The following CMSS1 variants were observed in gnomAD, a reference collection of about 807,000 sequenced individuals.
CMSS1 encodes the protein protein CMSS1.
A neutral mutation model predicts 43.5 loss-of-function variants in CMSS1; 33 were observed. The observed-to-expected ratio is 0.76, with a 90% CI of 0.57 to 1.01. The LOEUF (loss-of-function observed/expected upper bound fraction) is 1.01. Ranked by LOEUF, CMSS1 falls within the 50% of genes least tolerant of loss-of-function variation. The probability of loss-of-function intolerance (pLI) is 0.00; values close to 1 mark genes in which losing one functional copy is unlikely to be tolerated. For missense variants in CMSS1, 313 were observed against 326.4 expected (o/e 0.96, Z 0.32); for synonymous variants, 115 against 117.2 (o/e 0.98, Z 0.12).
intron 1 of CMSS1, among the ~76,000 whole-genome samples, chr3:100,111,716 C>G (rs1318419576): frequency 6.6e-6 from 1 of 152,130 alleles, no homozygotes; most frequent in East Asian, 1.9e-4. Context: ...TCTTAGACTT[C>G]CTGTCTGACC....
chr3:100,151,048 T>A (rs901959211), intron 2 of CMSS1, among the ~76,000 whole-genome samples: 2 of 152,200 alleles, frequency 1.3e-5, no homozygotes, highest in Non-Finnish European at 2.9e-5. Flanking sequence ...TCCCTTTCCC[T>A]TCTTGCTCTC....
chr3:99,897,605 T>A (rs1203767833), intron 1 of CMSS1, among the ~76,000 whole-genome samples: 9 of 152,096 alleles, frequency 5.9e-5, no homozygotes, highest in Admixed American at 5.9e-4. Context: ...TATGATGGAG[T>A]GCTGGGGTAT....
At chr3:99,995,330 C>G (rs948204207) in intron 1 of CMSS1, among the ~76,000 whole-genome samples, 4 of 152,202 alleles carry the variant, frequency 2.6e-5, no homozygotes, top group Non-Finnish European at 2.9e-5. Context: ...GTCTCACATC[C>G]AGGTCACACT....
At chr3:100,132,593 G>A (rs1205174365) in intron 1 of CMSS1, among the ~76,000 whole-genome samples, 1 of 152,054 alleles carries the variant, frequency 6.6e-6, no homozygotes, top group South Asian at 2.1e-4. Flanking sequence ...GCTGAGGCCG[G>A]CAGATCACAA....
At chr3:99,896,246 T>C (rs1364743980) in intron 1 of CMSS1, among the ~76,000 whole-genome samples, 3 of 152,190 alleles carry the variant, frequency 2.0e-5, no homozygotes, top group Non-Finnish European at 2.9e-5. Flanking sequence ...TGGCAACATA[T>C]GTTTGAAACA....
At chr3:100,109,214 T>C (rs2066445352) in intron 1 of CMSS1, among the ~76,000 whole-genome samples, 1 of 152,044 alleles carries the variant, frequency 6.6e-6, no homozygotes, top group Non-Finnish European at 1.5e-5. Context: ...TGTGTTTTAA[T>C]ATCCTAAAAA....
intron 1 of CMSS1, among the ~76,000 whole-genome samples, chr3:100,100,390 A>T (rs921767300): frequency 2.0e-5 from 3 of 152,336 alleles, no homozygotes; most frequent in South Asian, 2.1e-4. Context: ...TATACATTAT[A>T]ATATTATCAG....
At chr3:100,051,409 G>T (rs1263349117) in intron 1 of CMSS1, 1 of 151,442 alleles carries the variant, frequency 6.6e-6, no homozygotes, top group East Asian at 1.9e-4. Flanking sequence ...ACAATGTGCA[G>T]GTTAGTTACA....
intron 1 of CMSS1, among the ~76,000 whole-genome samples, chr3:100,034,969 G>A (rs1559733893): frequency 6.6e-6 from 1 of 152,234 alleles, no homozygotes; most frequent in Middle Eastern, 3.4e-3. Context: ...AACAACTTGG[G>A]ATGTCAAGAA....
chr3:100,157,041 A>T (rs1468483754), intron 2 of CMSS1, among the ~76,000 whole-genome samples: 1 of 152,076 alleles, frequency 6.6e-6, no homozygotes, highest in African/African-American at 2.4e-5. Flanking sequence ...CAGACATGAG[A>T]CACCATGCCA....
intron 1 of CMSS1, among the ~76,000 whole-genome samples, chr3:99,835,795 A>G (rs919828040): frequency 1.3e-5 from 2 of 152,256 alleles, no homozygotes; most frequent in Non-Finnish European, 2.9e-5. Flanking sequence ...AATTACAGAC[A>G]GCAGTTTTGG....
intron 1 of CMSS1, among the ~76,000 whole-genome samples, chr3:99,913,911 C>T (rs1407392848): frequency 6.6e-6 from 1 of 152,118 alleles, no homozygotes; most frequent in Non-Finnish European, 1.5e-5. Flanking sequence ...TCGGATATTT[C>T]AGAGTGTTAC....
chr3:100,021,849 G>A (rs2064822978), intron 1 of CMSS1, among the ~76,000 whole-genome samples: 1 of 151,462 alleles, frequency 6.6e-6, no homozygotes, highest in South Asian at 2.1e-4. Flanking sequence ...GTGATTTGCT[G>A]GTTAAAGGAA....
chr3:99,909,467 A>G (rs941582546), intron 1 of CMSS1, among the ~76,000 whole-genome samples: 3 of 152,148 alleles, frequency 2.0e-5, no homozygotes, highest in Admixed American at 1.3e-4. Context: ...CCCCTTGTAC[A>G]ATAGTTACTT....
chr3:100,039,572 A>G (rs1347481219), intron 1 of CMSS1, among the ~76,000 whole-genome samples: 1 of 152,156 alleles, frequency 6.6e-6, no homozygotes, highest in Non-Finnish European at 1.5e-5. Context: ...CCAGATACCA[A>G]ATAAGATCTA....
intron 1 of CMSS1, among the ~76,000 whole-genome samples, chr3:100,024,576 T>C (rs2064884072): frequency 6.6e-6 from 1 of 152,150 alleles, no homozygotes; most frequent in Non-Finnish European, 1.5e-5. Context: ...TTACATCATA[T>C]TAAATTATGT....
chr3:99,955,999 T>A (rs1391986381), intron 1 of CMSS1, among the ~76,000 whole-genome samples: 2 of 152,234 alleles, frequency 1.3e-5, no homozygotes, highest in Non-Finnish European at 2.9e-5. Context: ...AGTCCTTGGC[T>A]AGGTTGTAAG....
chr3:99,882,306 T>C (rs891597417), intron 1 of CMSS1, among the ~76,000 whole-genome samples: 2 of 152,220 alleles, frequency 1.3e-5, no homozygotes, highest in Non-Finnish European at 2.9e-5. Flanking sequence ...AGGTGGCTTC[T>C]AATTGTAAAA....
Position 99,817,968 on chromosome 3 carries a change from A to G in CMSS1, c.-12A>G. 3 of 1,613,952 alleles carry G rather than the reference A, an allele frequency of 1.9e-6. No individual in the cohort carries two copies. In the African/African-American group the frequency reaches 4.0e-5, roughly 22 times the overall value. On this transcript the variant is annotated 5_prime_UTR_variant, in exon 1 of 10. Transcript: ENST00000421999. The stretch of plus-strand genomic sequence containing the variant: ...CCCGTGATGTTCTGCCCACGTCGAG[A>G]CCTGAGCTGAAATGGCAGACGATCT...
Sources: gnomAD v4.1 joint callset for allele counts (sites outside exome capture counted in the v4.1 genomes callset) on GRCh38, gnomAD v4.1.1 for gene constraint, MANE v1.5 for transcripts, NCBI Gene and HGNC (gene_info 2026-07-23, HGNC 2026-07-21) for gene names.